SEMA5A: variants seen among roughly 807,000 people sequenced by gnomAD.
The protein encoded by SEMA5A is semaphorin 5A.
In SEMA5A, 55 loss-of-function variants were observed where a neutral mutation model predicts 135.5. The ratio of observed to expected loss-of-function variants is 0.41; its 90% CI spans 0.33 to 0.51. The LOEUF is 0.51. Among genes scored for constraint, SEMA5A ranks in the 20% least tolerant of loss-of-function variants. The pLI is 0.37. For missense variants in SEMA5A, 1,290 were observed against 1,419.9 expected, an observed-to-expected ratio of 0.91 and a Z score of 1.47; for synonymous variants, 580 against 546.5, an observed-to-expected ratio of 1.06 and a Z score of -0.85.
chr5:9,281,009 T>C (rs1750513567), intron 5 of SEMA5A, among the ~76,000 whole-genome samples: 1 of 152,224 alleles, frequency 6.6e-6, no homozygotes, highest in Non-Finnish European at 1.5e-5. Flanking sequence ...TCATTTAAGC[T>C]TCATAATAAC....
At chr5:9,339,238 T>C (rs1753535788) in intron 3 of SEMA5A, among the ~76,000 whole-genome samples, 1 of 152,162 alleles carries the variant, frequency 6.6e-6, no homozygotes, top group Admixed American at 6.5e-5. Flanking sequence ...CAAGTGTTTA[T>C]AGGGGCTTGT....
intron 1 of SEMA5A, among the ~76,000 whole-genome samples, chr5:9,457,863 G>GGAAA (rs36048251): frequency 0.12 from 18,086 of 147,994 alleles, 1,436 homozygotes; most frequent in African/African-American, 0.22. Flanking sequence ...AGGTACAAAA[G>GGAAA]GAAAGAAAAA....
intron 3 of SEMA5A, 147 bp from the exon 4 acceptor site, chr5:9,337,959 G>T: frequency 1.8e-6 from 1 of 569,308 alleles, no homozygotes; most frequent in South Asian, 2.5e-5. Context: ...GCCACTGGAG[G>T]TTTCCCTCAG....
At chr5:9,293,750 G>C (rs1369952708) in intron 5 of SEMA5A, among the ~76,000 whole-genome samples, 1 of 152,166 alleles carries the variant, frequency 6.6e-6, no homozygotes, top group East Asian at 1.9e-4. Flanking sequence ...CCTATGTCCA[G>C]TACTTGAACT....
At chr5:9,437,202 C>T (rs915845751) in intron 2 of SEMA5A, among the ~76,000 whole-genome samples, 2 of 152,176 alleles carry the variant, frequency 1.3e-5, no homozygotes, top group African/African-American at 2.4e-5. Flanking sequence ...CACTGGGGCG[C>T]AGAAGATGCT....
At chr5:9,091,849 G>C (rs1203062634) in intron 16 of SEMA5A, among the ~76,000 whole-genome samples, 5 of 152,140 alleles carry the variant, frequency 3.3e-5, no homozygotes, top group Non-Finnish European at 7.4e-5. Flanking sequence ...ATCACCATTT[G>C]TATGACAGTC....
intron 2 of SEMA5A, among the ~76,000 whole-genome samples, chr5:9,407,925 G>T (rs1756950301): frequency 6.7e-6 from 1 of 149,680 alleles, no homozygotes; most frequent in Non-Finnish European, 1.5e-5. Flanking sequence ...CCACTACCAT[G>T]ACCACCATCA....
At chr5:9,420,939 C>A (rs912395366) in intron 2 of SEMA5A, among the ~76,000 whole-genome samples, 1 of 152,208 alleles carries the variant, frequency 6.6e-6, no homozygotes, top group Non-Finnish European at 1.5e-5. Context: ...TCGCTTGAAC[C>A]CCGGAGGGGT....
At chr5:9,509,259 AATTATTATT>A (rs112585205) in intron 1 of SEMA5A, among the ~76,000 whole-genome samples, 45 of 149,876 alleles carry the variant, frequency 3.0e-4, no homozygotes, top group Non-Finnish European at 3.7e-4. Flanking sequence ...TCCAACATAA[AATTATTATT>A]ATTATTATTA....
chr5:9,207,546 A>T (rs929226214), intron 8 of SEMA5A, among the ~76,000 whole-genome samples: 1 of 152,106 alleles, frequency 6.6e-6, no homozygotes, highest in Non-Finnish European at 1.5e-5. Context: ...TAACGGAAAC[A>T]ATATTCAGAT....
At chr5:9,409,574 G>C (rs144514186) in intron 2 of SEMA5A, among the ~76,000 whole-genome samples, 1 of 152,144 alleles carries the variant, frequency 6.6e-6, no homozygotes, top group African/African-American at 2.4e-5. Context: ...CTTTACCTGC[G>C]TGTGCTGGAG....
intron 2 of SEMA5A, among the ~76,000 whole-genome samples, chr5:9,389,546 C>T (rs1430788647): frequency 6.6e-6 from 1 of 152,146 alleles, no homozygotes; most frequent in Non-Finnish European, 1.5e-5. Context: ...AAGGGATACC[C>T]ACCATTCCCT....
In SEMA5A at chr5:9,224,866, G is replaced by A. The variant is rs148039312; in HGVS notation, c.454C>T (p.His152Tyr). 62 of 1,613,224 alleles carry A rather than the reference G, an allele frequency of 3.8e-5. No individual in the cohort carries two copies. The Middle Eastern group carries it at 5.2e-4, about 14-fold the overall frequency. ...CGGGCCATGCCACTGATCTGATCAT[G>A]GATCTCAGTCAGGTTGCTCAACTGT... ...NRSLSNLTEI[H>Y]DQISGMARCP... Residue 152 changes from histidine to tyrosine, a missense_variant, in exon 8 of 23, where the codon CAT (histidine) becomes TAT (tyrosine). Transcript: ENST00000382496.
chr5:9,504,687 G>A (rs1735782569), intron 1 of SEMA5A, among the ~76,000 whole-genome samples: 2 of 152,222 alleles, frequency 1.3e-5, no homozygotes, highest in Admixed American at 6.5e-5. Context: ...AGTACATGAG[G>A]CTGAAGGACA....
chr5:9,528,344 TAC>T (rs143876040), intron 1 of SEMA5A, among the ~76,000 whole-genome samples: 1,569 of 152,296 alleles, frequency 0.01, 25 homozygotes, highest in African/African-American at 0.036. Flanking sequence ...GGTCCCTGAT[TAC>T]ACATTTATTT....
intron 16 of SEMA5A, among the ~76,000 whole-genome samples, chr5:9,079,020 T>A (rs1193553582): frequency 6.6e-6 from 1 of 152,050 alleles, no homozygotes; most frequent in Non-Finnish European, 1.5e-5. Flanking sequence ...AAACTATAAA[T>A]ATAAATAAAA....
chr5:9,472,145 G>C (rs968335111), intron 1 of SEMA5A, among the ~76,000 whole-genome samples: 1 of 152,154 alleles, frequency 6.6e-6, no homozygotes. Context: ...TTGACTCATT[G>C]CTTCTATCTC....
chr5:9,291,605 A>AAG (rs113178598), intron 5 of SEMA5A, among the ~76,000 whole-genome samples: 26,768 of 126,632 alleles, frequency 0.21, 2,491 homozygotes, highest in Non-Finnish European at 0.24. Flanking sequence ...GAGAGAGAGA[A>AAG]AGAGAGAGAG....
chr5:9,473,698 C>T (rs1759565843), intron 1 of SEMA5A, among the ~76,000 whole-genome samples: 1 of 151,962 alleles, frequency 6.6e-6, no homozygotes, highest in African/African-American at 2.4e-5. Context: ...GCTTAGGGAA[C>T]GTGGTGTGCA....
Sources: gnomAD v4.1 joint callset for allele counts (sites outside exome capture counted in the v4.1 genomes callset) on GRCh38, gnomAD v4.1.1 for gene constraint, MANE v1.5 for transcripts, NCBI Gene and HGNC (gene_info 2026-07-23, HGNC 2026-07-21) for gene names.